Variants in CA1 observed in about 807,000 individuals in gnomAD.
CA1 encodes carbonate dehydratase I.
Under a neutral mutation model 28.8 loss-of-function variants are expected in CA1, and 27 were observed. The ratio of observed to expected loss-of-function variants is 0.94; its 90% confidence interval spans 0.69 to 1.29. The LOEUF (loss-of-function observed/expected upper bound fraction) is 1.29, where lower values mean the gene tolerates loss of function less well. Among genes scored for constraint, CA1 ranks in the 50% most tolerant of loss-of-function variants. The probability of loss-of-function intolerance (pLI) is 0.00; values close to 1 mark genes in which losing one functional copy is unlikely to be tolerated. For missense variants in CA1, 335 were observed against 310.5 expected, an observed-to-expected ratio of 1.08 and a Z score of -0.59; for synonymous variants, 121 against 108.8, an observed-to-expected ratio of 1.11 and a Z score of -0.70.
intron 2 of CA1, among the ~76,000 whole-genome samples, chr8:85,339,974 A>T (rs1459775694): frequency 6.6e-6 from 1 of 152,204 alleles, no homozygotes; most frequent in Non-Finnish European, 1.5e-5. Context: ...TGCCATCTCC[A>T]TAACATGAAA....
chr8:85,339,489 G>C (rs1303807), intron 2 of CA1, among the ~76,000 whole-genome samples: 115,882 of 152,110 alleles, frequency 0.76, 45,274 homozygotes, highest in African/African-American at 0.92. Flanking sequence ...CTGTAAGTCT[G>C]CCTATTCCCT....
chr8:85,376,187 C>T (rs1339446144), intron 1 of CA1, among the ~76,000 whole-genome samples: 2 of 151,816 alleles, frequency 1.3e-5, no homozygotes, highest in Admixed American at 6.6e-5. Context: ...AAAAATTGGC[C>T]GGGTGTGGTA....
At chr8:85,363,013 T>C (rs1021397065) in intron 1 of CA1, among the ~76,000 whole-genome samples, 2 of 152,192 alleles carry the variant, frequency 1.3e-5, no homozygotes, top group African/African-American at 4.8e-5. Flanking sequence ...GTCAGGGTAA[T>C]GTGAGTTTTA....
At chr8:85,335,016 A>AAAAT (rs10672756) in intron 4 of CA1, among the ~76,000 whole-genome samples, 115,313 of 151,504 alleles carry the variant, frequency 0.76, 45,010 homozygotes, top group African/African-American at 0.92. Flanking sequence ...ATAACGACAA[A>AAAAT]AAATAAAGAC....
intron 1 of CA1, among the ~76,000 whole-genome samples, chr8:85,357,037 TG>T (rs1809630142): frequency 6.6e-6 from 1 of 152,188 alleles, no homozygotes; most frequent in Non-Finnish European, 1.5e-5. Flanking sequence ...TATCAGGGTC[TG>T]GGGGAGTACC....
intron 1 of CA1, among the ~76,000 whole-genome samples, chr8:85,370,648 A>G (rs1165645706): frequency 6.6e-6 from 1 of 152,148 alleles, no homozygotes; most frequent in Non-Finnish European, 1.5e-5. Context: ...TCAATTTTCT[A>G]AAAATGACAA....
At chr8:85,373,393 A>G (rs919564364) in intron 1 of CA1, 4 of 152,236 alleles carry the variant, frequency 2.6e-5, no homozygotes, top group African/African-American at 4.8e-5. Context: ...GCCTATGGCT[A>G]CATCACAATG....
chr8:85,346,318 C>T (rs542107770), intron 1 of CA1, among the ~76,000 whole-genome samples: 14 of 152,070 alleles, frequency 9.2e-5, no homozygotes, highest in African/African-American at 3.4e-4. Flanking sequence ...GTACTATCCC[C>T]GTATTTATTT....
intron 4 of CA1, among the ~76,000 whole-genome samples, chr8:85,334,154 T>C (rs1808538098): frequency 3.9e-5 from 6 of 152,344 alleles, no homozygotes; most frequent in Admixed American, 3.9e-4. Flanking sequence ...CTTGATATAT[T>C]CTTGATATCT....
intron 1 of CA1, among the ~76,000 whole-genome samples, chr8:85,356,266 T>C (rs1245395729): frequency 3.3e-5 from 5 of 152,184 alleles, no homozygotes; most frequent in Admixed American, 1.3e-4. Flanking sequence ...ATCAGCCTCA[T>C]TGAGCTTCAG....
intron 1 of CA1, among the ~76,000 whole-genome samples, chr8:85,372,274 A>G (rs1218193272): frequency 6.6e-6 from 1 of 152,148 alleles, no homozygotes; most frequent in Non-Finnish European, 1.5e-5. Flanking sequence ...TCAGACGGCT[A>G]CTATGAAACA....
chr8:85,337,481 A>G (rs540297948), intron 3 of CA1, among the ~76,000 whole-genome samples: 2 of 152,168 alleles, frequency 1.3e-5, no homozygotes, highest in Non-Finnish European at 2.9e-5. Flanking sequence ...ACCATTCATC[A>G]CCTACTGTGT....
intron 1 of CA1, among the ~76,000 whole-genome samples, chr8:85,358,036 T>C (rs1809663187): frequency 6.6e-6 from 1 of 152,214 alleles, no homozygotes; most frequent in Non-Finnish European, 1.5e-5. Context: ...AACAACTCTA[T>C]CTTCATTAGC....
At chr8:85,328,790 A>G (rs1361338421) in intron 7 of CA1, 114 bp from the exon 8 acceptor site, 10 of 615,230 alleles carry the variant, frequency 1.6e-5, no homozygotes, top group Non-Finnish European at 2.9e-5. Context: ...AATTGCAGTA[A>G]TATCACTAAT....
intron 2 of CA1, among the ~76,000 whole-genome samples, chr8:85,338,759 GC>G (rs1179469948): frequency 7.1e-6 from 1 of 141,146 alleles, no homozygotes; most frequent in Non-Finnish European, 1.5e-5. Context: ...TGTCACCCAG[GC>G]TGGAGTGCAG....
chr8:85,350,705 G>A (rs1809375245), intron 1 of CA1, among the ~76,000 whole-genome samples: 1 of 152,096 alleles, frequency 6.6e-6, no homozygotes, highest in South Asian at 2.1e-4. Flanking sequence ...ACCTCCCCAG[G>A]TTCGAGTCAA....
At chr8:85,372,251 C>A (rs1309779862) in intron 1 of CA1, among the ~76,000 whole-genome samples, 1 of 151,948 alleles carries the variant, frequency 6.6e-6, no homozygotes, top group Non-Finnish European at 1.5e-5. Context: ...AAAAAGAATG[C>A]ACTTTGTACT....
rs59939153 is a variant in CA1, at chr8:85,341,392, G to GTA, written c.37+205_37+206dup. 7.5e-3 allele frequency: 3,507 copies of GTA among 470,430 alleles called. 21 individuals are homozygous for GTA. Among genetic ancestry groups the GTA allele is most frequent in the African/African-American group, 0.029 (1,450 of 50,724 alleles). The allele number at this position is 470,430 out of a possible 1,614,324, so 29.1% of individuals were successfully genotyped here. On this transcript the variant is annotated intron_variant, in intron 2 of 7. Transcript: ENST00000523022. ...CCTTCAGTATCTCTGAGGTATGCCTGTATATATATATATCAAACATATTTT... is the reference window on the plus strand; with the variant it reads ...CCTTCAGTATCTCTGAGGTATGCCTGTATATATATATATATCAAACATATTTT...
chr8:85,357,518 A>G (rs754931042), intron 1 of CA1, among the ~76,000 whole-genome samples: 1 of 152,242 alleles, frequency 6.6e-6, no homozygotes, highest in Non-Finnish European at 1.5e-5. Flanking sequence ...TATGATTGAT[A>G]GCTGCTATCA....
Sources: gnomAD v4.1 joint callset for allele counts (sites outside exome capture counted in the v4.1 genomes callset) on GRCh38, gnomAD v4.1.1 for gene constraint, MANE v1.5 for transcripts, NCBI Gene and HGNC (gene_info 2026-07-23, HGNC 2026-07-21) for gene names.